Variants in NRG3 observed in about 807,000 individuals in gnomAD.
NRG3 encodes the protein pro-neuregulin-3, membrane-bound isoform.
A neutral mutation model predicts 66.9 loss-of-function variants in NRG3; 31 were observed. The observed-to-expected ratio is 0.46, with a 90% CI of 0.35 to 0.63. NRG3 has a LOEUF of 0.63. NRG3 is among the 20% of genes least tolerant of loss of function. The probability of loss-of-function intolerance (pLI) is 0.00; values close to 1 mark genes in which losing one functional copy is unlikely to be tolerated. For synonymous variants in NRG3, 393 were observed against 359.4 expected (o/e 1.09, Z -1.06); for missense variants, 910 against 878.9 (o/e 1.04, Z -0.45).
At chr10:82,636,880 G>C (rs2050237566) in intron 2 of NRG3, among the ~76,000 whole-genome samples, 1 of 151,828 alleles carries the variant, frequency 6.6e-6, no homozygotes, top group African/African-American at 2.4e-5. Flanking sequence ...TTGAGATAGA[G>C]AATAAAATAG....
chr10:82,560,220 G>A (rs2044947206), intron 2 of NRG3, among the ~76,000 whole-genome samples: 1 of 151,206 alleles, frequency 6.6e-6, no homozygotes, highest in African/African-American at 2.4e-5. Context: ...ATTTTTTCCA[G>A]TTTTTAAAAA....
chr10:82,913,212 G>A (rs1402203900), intron 4 of NRG3, among the ~76,000 whole-genome samples: 6 of 151,962 alleles, frequency 3.9e-5, no homozygotes, highest in East Asian at 1.9e-4. Context: ...GTGACAGAGC[G>A]AGACTCAATA....
At chr10:82,068,264 T>G (rs2064603068) in intron 1 of NRG3, among the ~76,000 whole-genome samples, 1 of 152,200 alleles carries the variant, frequency 6.6e-6, no homozygotes, top group Admixed American at 6.5e-5. Context: ...GTGTCTCACT[T>G]TATTTCTAAG....
At chr10:81,892,751 A>G (rs1843149679) in intron 1 of NRG3, among the ~76,000 whole-genome samples, 1 of 152,218 alleles carries the variant, frequency 6.6e-6, no homozygotes, top group African/African-American at 2.4e-5. Flanking sequence ...GCTAGTATTT[A>G]CTAGCATAAC....
intron 2 of NRG3, among the ~76,000 whole-genome samples, chr10:82,412,043 A>G (rs1395076325): frequency 3.3e-5 from 5 of 152,142 alleles, no homozygotes; most frequent in Non-Finnish European, 7.4e-5. Context: ...CTGGAGTGGC[A>G]TAGGAGCCAT....
chr10:82,634,065 C>A (rs778843532), intron 2 of NRG3, among the ~76,000 whole-genome samples: 3 of 152,050 alleles, frequency 2.0e-5, no homozygotes, highest in African/African-American at 4.8e-5. Flanking sequence ...GACAACGGGC[C>A]CATGAGATAT....
intron 2 of NRG3, among the ~76,000 whole-genome samples, chr10:82,406,367 C>G (rs1475006239): frequency 6.6e-6 from 1 of 152,100 alleles, no homozygotes; most frequent in Non-Finnish European, 1.5e-5. Flanking sequence ...CACATTGTTG[C>G]CTTCAGAGCA....
intron 4 of NRG3, among the ~76,000 whole-genome samples, chr10:82,928,197 C>A (rs1324306794): frequency 1.3e-5 from 2 of 150,548 alleles, no homozygotes; most frequent in African/African-American, 4.9e-5. Context: ...GTTTTTTTTT[C>A]TTGTAAATTT....
chr10:82,077,692 C>A lies in NRG3; in HGVS notation c.823+201529C>A, dbSNP rs72825424. On this transcript the variant is annotated intron_variant, in intron 1 of 8. Coordinates refer to ENST00000372141, the MANE Select transcript of NRG3 (RefSeq NM_001010848.4). ...AAGTTTAAAGAAATCTCATACACGT[C>A]TTTCTATAGGGAGCATTAGATGATG... Among the ~76,000 whole-genome samples the A allele has an allele frequency of 8.4e-3, 1,276 of 152,266 alleles. 8 individuals carry two copies. The highest frequency in any genetic ancestry group is 0.011 in the Non-Finnish European group (731 of 68,016).
chr10:82,887,678 A>G (rs1842838672), intron 4 of NRG3, among the ~76,000 whole-genome samples: 1 of 152,224 alleles, frequency 6.6e-6, no homozygotes, highest in East Asian at 1.9e-4. Context: ...TTTTCCCAGC[A>G]ATTGCAATGT....
At position 82,985,317 on chromosome 10, in the gene NRG3, C is replaced by G; in HGVS notation, c.1803C>G (p.Cys601Trp). 6.2e-7 allele frequency: 1 copy of G among 1,614,042 alleles called. No individual in the cohort carries two copies. The change falls in exon 9 of 9, where the codon TGC (cysteine) becomes TGG (tryptophan). Residue 601 changes from cysteine (C) to tryptophan (W), a missense_variant. Transcript: ENST00000372141. Reference protein sequence around the residue: ...GISEVKSIKWCKNSYSADVVN... With the variant: ...GISEVKSIKWWKNSYSADVVN... ...CTGAAGTCAAAAGCATCAAATGGTG[C>G]AAAAACTCCTATTCAGCTGACGTTG...
intron 4 of NRG3, among the ~76,000 whole-genome samples, chr10:82,868,959 T>C (rs940989484): frequency 6.6e-6 from 1 of 152,192 alleles, no homozygotes; most frequent in Non-Finnish European, 1.5e-5. Context: ...CCCAAAGTGC[T>C]GGGATTACAG....
chr10:82,149,909 A>G (rs2070574166), intron 1 of NRG3, among the ~76,000 whole-genome samples: 1 of 152,146 alleles, frequency 6.6e-6, no homozygotes, highest in African/African-American at 2.4e-5. Context: ...CTAGAATAGA[A>G]TAGAATAAGC....
intron 1 of NRG3, among the ~76,000 whole-genome samples, chr10:82,014,155 G>A (rs546877063): frequency 9.9e-5 from 15 of 152,172 alleles, no homozygotes; most frequent in Non-Finnish European, 1.6e-4. Context: ...ATTTAGAAAG[G>A]GAGAGATCTT....
At chr10:82,885,997 G>A (rs918836280) in intron 4 of NRG3, among the ~76,000 whole-genome samples, 2 of 152,004 alleles carry the variant, frequency 1.3e-5, no homozygotes, top group East Asian at 1.9e-4. Flanking sequence ...TTAGCCTCCC[G>A]AGTAGCTGGG....
intron 2 of NRG3, among the ~76,000 whole-genome samples, chr10:82,410,442 C>CAT (rs2087976120): frequency 8.8e-6 from 1 of 113,826 alleles, no homozygotes; most frequent in East Asian, 3.0e-4. Flanking sequence ...TGTATGAGTC[C>CAT]ATATATACAT....
At chr10:82,087,794 A>T (rs2065812191) in intron 1 of NRG3, among the ~76,000 whole-genome samples, 1 of 152,136 alleles carries the variant, frequency 6.6e-6, no homozygotes, top group Non-Finnish European at 1.5e-5. Context: ...CTCAAAGGTC[A>T]TGTGTAATCC....
At chr10:82,921,759 G>C (rs939071775) in intron 4 of NRG3, among the ~76,000 whole-genome samples, 4 of 152,080 alleles carry the variant, frequency 2.6e-5, no homozygotes, top group African/African-American at 9.7e-5. Flanking sequence ...ACTCAACCAA[G>C]TCAGGTGTGA....
chr10:82,349,555 G>A (rs1322038737), intron 1 of NRG3, among the ~76,000 whole-genome samples: 2 of 152,030 alleles, frequency 1.3e-5, no homozygotes, highest in Non-Finnish European at 2.9e-5. Context: ...GGAGCCTACA[G>A]AGGCAGGCAG....
Sources: allele counts gnomAD v4.1 joint callset (sites outside exome capture counted in the v4.1 genomes callset), GRCh38; gene constraint gnomAD v4.1.1; transcripts MANE v1.5; gene names NCBI Gene and HGNC (gene_info 2026-07-23, HGNC 2026-07-21).